The following TTC39C variants were observed in gnomAD, a reference collection of about 807,000 sequenced individuals.
TTC39C encodes tetratricopeptide repeat protein 39C.
In TTC39C, 33 loss-of-function variants were observed where a neutral mutation model predicts 76.3. That is an observed-to-expected ratio of 0.43 (90% CI 0.33 to 0.58). TTC39C has a LOEUF of 0.58. TTC39C is among the 20% of genes least tolerant of loss of function. TTC39C has a pLI of 0.04. For synonymous variants in TTC39C, 254 were observed against 260.6 expected (o/e 0.97, Z 0.24); for missense variants, 595 against 701.4 (o/e 0.85, Z 1.71).
chr18:24,033,294 A>G (rs966550189), intron 1 of TTC39C, among the ~76,000 whole-genome samples: 5 of 152,158 alleles, frequency 3.3e-5, no homozygotes, highest in African/African-American at 1.2e-4. Context: ...GCTTTCTCCA[A>G]TTATGCCATT....
At chr18:24,010,649 A>G (rs1289909950), upstream of TTC39C, among the ~76,000 whole-genome samples, 5 of 152,244 alleles carry the variant, frequency 3.3e-5, no homozygotes, top group Non-Finnish European at 7.3e-5. Context: ...ATTTACAAAA[A>G]GATGCACAAA....
chr18:24,063,264 G>T (rs542802444), intron 1 of TTC39C, among the ~76,000 whole-genome samples: 17 of 152,206 alleles, frequency 1.1e-4, no homozygotes, highest in Middle Eastern at 6.8e-3. Context: ...TGATTACAAG[G>T]GGGGAATGGC....
intron 1 of TTC39C, among the ~76,000 whole-genome samples, chr18:24,056,410 A>C (rs2084017603): frequency 6.6e-6 from 1 of 152,240 alleles, no homozygotes; most frequent in South Asian, 2.1e-4. Context: ...ATTTTCAGAA[A>C]AATGAAAGAC....
chr18:24,067,650 C>A (rs748937342), intron 3 of TTC39C, among the ~76,000 whole-genome samples: 30 of 152,142 alleles, frequency 2.0e-4, no homozygotes, highest in Non-Finnish European at 3.7e-4. Flanking sequence ...ATCCTGAAAC[C>A]ATTAACCCAT....
intron 6 of TTC39C, among the ~76,000 whole-genome samples, chr18:24,106,166 A>G (rs929130089): frequency 6.6e-6 from 1 of 152,290 alleles, no homozygotes; most frequent in Non-Finnish European, 1.5e-5. Flanking sequence ...GGACTTTAAC[A>G]TGAATTTGGA....
chr18:23,994,392 A>C (rs1883026412), intron 1 of TTC39C: 1 of 152,048 alleles, frequency 6.6e-6, no homozygotes, highest in Non-Finnish European at 1.5e-5. Context: ...AGAGCCCATC[A>C]GTGTGGTTGG....
Position 24,089,982 on chromosome 18 carries a change from T to C in TTC39C, c.984+6901T>C, listed in dbSNP as rs898004845. 6.6e-5 allele frequency among the ~76,000 whole-genome samples: 10 copies of C among 152,240 alleles called. No homozygotes were observed. The East Asian group carries it at 7.7e-4, about 12-fold the overall frequency. On this transcript the variant is annotated intron_variant, in intron 6 of 13. Coordinates refer to ENST00000317571, the MANE Select transcript of TTC39C (RefSeq NM_001135993.2). Reference sequence around the variant, plus strand: ...ATAATTACATTCTAAGCTGTTTTACTTAAAATTATTTTGTAATCTTTATAC... The same window carrying C: ...ATAATTACATTCTAAGCTGTTTTACCTAAAATTATTTTGTAATCTTTATAC...
intron 1 of TTC39C, chr18:24,001,462 T>C (rs1175513281): frequency 3.9e-5 from 6 of 152,390 alleles, no homozygotes; most frequent in South Asian, 4.1e-4. Context: ...AAAGTTTCAC[T>C]GTCTCTCCCA....
At chr18:24,054,386 A>G (rs1234603616) in intron 1 of TTC39C, among the ~76,000 whole-genome samples, 1 of 152,234 alleles carries the variant, frequency 6.6e-6, no homozygotes, top group African/African-American at 2.4e-5. Flanking sequence ...TAGAACAAGT[A>G]AATCAACTTA....
At chr18:24,024,004 A>ATTTTTT (rs2083563205) in intron 1 of TTC39C, among the ~76,000 whole-genome samples, 1 of 4,864 alleles carries the variant, frequency 2.1e-4, no homozygotes, top group Non-Finnish European at 4.1e-4. Flanking sequence ...ATATATATAT[A>ATTTTTT]TATATATATA....
At position 24,086,545 on chromosome 18, in the gene TTC39C, T is replaced by C. The variant is rs530425032; in HGVS notation, c.984+3464T>C. 6.6e-5 allele frequency among the ~76,000 whole-genome samples: 10 copies of C among 152,308 alleles called. No homozygotes were observed. In the East Asian group the frequency reaches 1.9e-3, roughly 29 times the overall value. ...ATTGTGGTGACTTGGCTGTTTTCTG[T>C]TATGGCCTCAGTTGATGTTGCAGTG... On this transcript the variant is annotated intron_variant, in intron 6 of 13. Transcript: ENST00000317571.
At chr18:24,108,952 A>G (rs2084778366) in intron 6 of TTC39C, among the ~76,000 whole-genome samples, 1 of 152,180 alleles carries the variant, frequency 6.6e-6, no homozygotes, top group Non-Finnish European at 1.5e-5. Flanking sequence ...GGAAAACAAT[A>G]TTGTGGATTA....
rs1225812388 is a variant in TTC39C at position 24,053,664 on chromosome 18, A to G, written c.168-10476A>G. On this transcript the variant is annotated intron_variant, in intron 1 of 13. Transcript: ENST00000317571. ...ATTGTTGCCACAGTGTATTCAAGTTAGAGAACTTGAGATATAGAACAGTAA... is the reference window on the plus strand; with the variant it reads ...ATTGTTGCCACAGTGTATTCAAGTTGGAGAACTTGAGATATAGAACAGTAA... Among the ~76,000 whole-genome samples, 3 of 152,344 alleles carry G rather than the reference A, an allele frequency of 2.0e-5. No individual in the cohort carries two copies. In the East Asian group the frequency reaches 5.8e-4, roughly 29 times the overall value.
chr18:24,035,147 C>T (rs2083717122), intron 1 of TTC39C, among the ~76,000 whole-genome samples: 1 of 151,938 alleles, frequency 6.6e-6, no homozygotes, highest in South Asian at 2.1e-4. Context: ...CTCAAGTGAT[C>T]CTCCTGCCTC....
chr18:24,062,785 A>T (rs1259546486), intron 1 of TTC39C, among the ~76,000 whole-genome samples: 1 of 152,210 alleles, frequency 6.6e-6, no homozygotes, highest in African/African-American at 2.4e-5. Context: ...TGACACACAC[A>T]CAGTGTACCA....
At chr18:24,064,440 A>G (rs2084141250) in intron 2 of TTC39C, among the ~76,000 whole-genome samples, 1 of 152,342 alleles carries the variant, frequency 6.6e-6, no homozygotes, top group East Asian at 1.9e-4. Flanking sequence ...TAAAAATGTA[A>G]TGGAAAGACC....
chr18:24,105,425 T>C (rs1208726117), intron 6 of TTC39C, among the ~76,000 whole-genome samples: 1 of 152,236 alleles, frequency 6.6e-6, no homozygotes, highest in Non-Finnish European at 1.5e-5. Flanking sequence ...ATTACTGTTA[T>C]AATTTGCCAA....
chr18:24,119,528 C>A (rs2084939108), intron 8 of TTC39C, among the ~76,000 whole-genome samples: 1 of 152,130 alleles, frequency 6.6e-6, no homozygotes, highest in African/African-American at 2.4e-5. Flanking sequence ...CTCTTAAATT[C>A]CCTATAAAAT....
chr18:24,028,210 T>A (rs553144176), intron 1 of TTC39C, among the ~76,000 whole-genome samples: 3 of 152,270 alleles, frequency 2.0e-5, no homozygotes, highest in Non-Finnish European at 4.4e-5. Flanking sequence ...ATAAACTACT[T>A]AGAAGTGTAG....
Sources: allele counts gnomAD v4.1 joint callset (sites outside exome capture counted in the v4.1 genomes callset), GRCh38; gene constraint gnomAD v4.1.1; transcripts MANE v1.5; gene names NCBI Gene and HGNC (gene_info 2026-07-23, HGNC 2026-07-21).